Variants in CACNB2 observed in about 807,000 individuals in gnomAD.
CACNB2 encodes the protein calcium voltage-gated channel auxiliary subunit beta 2.
In CACNB2, 42 loss-of-function variants were observed where a neutral mutation model predicts 73.3. The ratio of observed to expected loss-of-function variants is 0.57; its 90% CI spans 0.45 to 0.74. The LOEUF (loss-of-function observed/expected upper bound fraction) is 0.74, where lower values mean the gene tolerates loss of function less well. CACNB2 is among the 30% of genes least tolerant of loss of function. CACNB2 has a pLI of 0.00. For synonymous variants in CACNB2, 348 were observed against 310.3 expected, an observed-to-expected ratio of 1.12 and a Z score of -1.28; for missense variants, 940 against 853.0, an observed-to-expected ratio of 1.10 and a Z score of -1.27.
At chr10:18,416,106 C>G (rs2182346) in intron 3 of CACNB2, among the ~76,000 whole-genome samples, 1 of 151,996 alleles carries the variant, frequency 6.6e-6, no homozygotes, top group African/African-American at 2.4e-5. Flanking sequence ...TTCCATCTTA[C>G]TGTATGTTTG....
intron 2 of CACNB2, among the ~76,000 whole-genome samples, chr10:18,239,130 C>T (rs1485964486): frequency 1.3e-5 from 2 of 152,130 alleles, no homozygotes; most frequent in African/African-American, 4.8e-5. Context: ...AAGTGTTGAA[C>T]AAAAGACTCC....
chr10:18,171,537 A>G (rs2033236209), intron 2 of CACNB2, among the ~76,000 whole-genome samples: 1 of 143,942 alleles, frequency 6.9e-6, no homozygotes, highest in South Asian at 2.2e-4. Flanking sequence ...AAAAAAAAAA[A>G]AAAAAAAAAA....
intron 3 of CACNB2, among the ~76,000 whole-genome samples, chr10:18,451,774 T>C (rs544714585): frequency 6.6e-6 from 1 of 152,326 alleles, no homozygotes; most frequent in Non-Finnish European, 1.5e-5. Context: ...ACTACAGATA[T>C]TGACAAGCTA....
At chr10:18,363,452 C>T (rs2042222976) in intron 2 of CACNB2, among the ~76,000 whole-genome samples, 1 of 152,184 alleles carries the variant, frequency 6.6e-6, no homozygotes, top group Admixed American at 6.5e-5. Flanking sequence ...GCTTCATCCT[C>T]TGATCCTCAG....
intron 2 of CACNB2, among the ~76,000 whole-genome samples, chr10:18,299,074 A>T (rs551294126): frequency 9.8e-4 from 107 of 108,924 alleles, no homozygotes; most frequent in African/African-American, 3.2e-3. Context: ...TACTAAAAAA[A>T]AAAAAATAAA....
chr10:18,245,103 T>G (rs1240883978), intron 2 of CACNB2, among the ~76,000 whole-genome samples: 1 of 151,370 alleles, frequency 6.6e-6, no homozygotes, highest in Non-Finnish European at 1.5e-5. Flanking sequence ...TTTTCCCCAG[T>G]AAGACTCATT....
intron 2 of CACNB2, among the ~76,000 whole-genome samples, chr10:18,248,199 G>A (rs2036942421): frequency 6.6e-6 from 1 of 152,204 alleles, no homozygotes; most frequent in African/African-American, 2.4e-5. Flanking sequence ...CAAGCTAATT[G>A]AGCTGATGTT....
chr10:18,261,562 T>G (rs1276935125), intron 2 of CACNB2, among the ~76,000 whole-genome samples: 1 of 152,184 alleles, frequency 6.6e-6, no homozygotes, highest in East Asian at 1.9e-4. Context: ...GGAAATAACT[T>G]GCGCGGGGAT....
chr10:18,417,114 C>CTT (rs57071336), intron 3 of CACNB2, among the ~76,000 whole-genome samples: 3 of 147,306 alleles, frequency 2.0e-5, no homozygotes, highest in Non-Finnish European at 4.5e-5. Flanking sequence ...GAAATAAAAG[C>CTT]TTTTTTTTTT....
intron 2 of CACNB2, among the ~76,000 whole-genome samples, chr10:18,383,298 T>A (rs1399397487): frequency 1.3e-5 from 2 of 152,128 alleles, no homozygotes; most frequent in Non-Finnish European, 2.9e-5. Context: ...GTCTTCTAGA[T>A]AGAGGAATGA....
intron 3 of CACNB2, among the ~76,000 whole-genome samples, chr10:18,485,469 A>G (rs1409880702): frequency 1.3e-5 from 2 of 150,120 alleles, no homozygotes; most frequent in African/African-American, 4.9e-5. Flanking sequence ...AACAAGTTTT[A>G]TAAGAAGTTA....
At chr10:18,438,220 G>A (rs1381620389) in intron 3 of CACNB2, among the ~76,000 whole-genome samples, 1 of 135,106 alleles carries the variant, frequency 7.4e-6, no homozygotes, top group Non-Finnish European at 1.6e-5. Flanking sequence ...TAGTAGAGAC[G>A]GGGTTTCACC....
In CACNB2 at chr10:18,492,031, A is replaced by AG. The variant is rs147058821; in HGVS notation, c.334-6320dup. Among the ~76,000 whole-genome samples the AG allele has an allele frequency of 1.7e-3, 259 of 152,188 alleles. 5 individuals are homozygous for AG. The East Asian group carries it at 0.038, about 22-fold the overall frequency. On this transcript the variant is annotated intron_variant, in intron 3 of 13. Transcript: ENST00000324631. ...ATCATGGTGTTGGCATCTGGCTTCTAGGGGAGGCCTCAGGAGACTTACAGT... is the reference window on the plus strand; with the variant it reads ...ATCATGGTGTTGGCATCTGGCTTCTAGGGGGAGGCCTCAGGAGACTTACAGT...
intron 9 of CACNB2, among the ~76,000 whole-genome samples, chr10:18,521,579 G>A (rs767170614): frequency 6.6e-6 from 1 of 152,130 alleles, no homozygotes; most frequent in Non-Finnish European, 1.5e-5. Context: ...TATTCTATGT[G>A]CCAGGCATTG....
rs968838284 is a variant in CACNB2 at position 18,500,416 on chromosome 10, T to C, written c.457-396T>C. Among the ~76,000 whole-genome samples, 16 of 152,220 alleles carry C rather than the reference T, an allele frequency of 1.1e-4. No individual in the cohort carries two copies. In the South Asian group the frequency reaches 1.2e-3, roughly 12 times the overall value. On this transcript the variant is annotated intron_variant, in intron 4 of 13. Coordinates refer to ENST00000324631, the MANE Select transcript of CACNB2 (RefSeq NM_201596.3). ...TATTTAAGGTACACTTCAATATTTATCTCTTTCTCTCAATAATTCCAATTG... is the reference window on the plus strand; with the variant it reads ...TATTTAAGGTACACTTCAATATTTACCTCTTTCTCTCAATAATTCCAATTG...
At chr10:18,505,993 T>C (rs138992991) in intron 5 of CACNB2, among the ~76,000 whole-genome samples, 77 of 152,312 alleles carry the variant, frequency 5.1e-4, no homozygotes, top group East Asian at 2.1e-3. Flanking sequence ...GCTCTGTTGT[T>C]CTTTGATAGA....
At chr10:18,168,497 T>TTGTGTGTGTGTGTG (rs111401264) in intron 2 of CACNB2, among the ~76,000 whole-genome samples, 21 of 149,822 alleles carry the variant, frequency 1.4e-4, no homozygotes, top group Non-Finnish European at 2.4e-4. Flanking sequence ...TCTTCCTTCT[T>TTGTGTGTGTGTGTG]TGTGTGTGTG....
intron 2 of CACNB2, among the ~76,000 whole-genome samples, chr10:18,369,425 T>C (rs1230575219): frequency 6.6e-6 from 1 of 152,200 alleles, no homozygotes; most frequent in African/African-American, 2.4e-5. Context: ...TCAGGATTTT[T>C]ATTTTTGTGG....
chr10:18,404,430 A>T (rs2044172866), intron 3 of CACNB2, among the ~76,000 whole-genome samples: 1 of 152,206 alleles, frequency 6.6e-6, no homozygotes, highest in South Asian at 2.1e-4. Context: ...ATCTTGCCTT[A>T]ATGAAACCTA....
Sources: gnomAD v4.1 joint callset for allele counts (sites outside exome capture counted in the v4.1 genomes callset) on GRCh38, gnomAD v4.1.1 for gene constraint, MANE v1.5 for transcripts, NCBI Gene and HGNC (gene_info 2026-07-23, HGNC 2026-07-21) for gene names.